Variants in TMEM131L observed in about 807,000 individuals in gnomAD.
TMEM131L encodes the protein transmembrane 131 like.
A neutral mutation model predicts 192.2 loss-of-function variants in TMEM131L; 54 were observed. That is an observed-to-expected ratio of 0.28 (90% CI 0.23 to 0.35). TMEM131L has a LOEUF of 0.35. Ranked by LOEUF, TMEM131L falls within the 10% of genes least tolerant of loss-of-function variation. The pLI, the probability that TMEM131L is intolerant of heterozygous loss-of-function variation, is 1.00. For synonymous variants in TMEM131L, 701 were observed against 704.9 expected (o/e 0.99, Z 0.09); for missense variants, 1,888 against 1,972.9 (o/e 0.96, Z 0.82).
intron 3 of TMEM131L, among the ~76,000 whole-genome samples, chr4:153,543,039 G>T (rs1021348065): frequency 6.6e-6 from 1 of 152,198 alleles, no homozygotes; most frequent in East Asian, 1.9e-4. Context: ...TAGCGAGAGC[G>T]CCTCCAACAG....
chr4:153,541,180 T>C (rs1411635002), intron 3 of TMEM131L, among the ~76,000 whole-genome samples: 1 of 152,126 alleles, frequency 6.6e-6, no homozygotes, highest in Non-Finnish European at 1.5e-5. Context: ...AGGAGAAAGT[T>C]GGGATGGGAG....
In TMEM131L at chr4:153,592,562, C is replaced by G. The variant is rs772989113; in HGVS notation, c.1900C>G (p.Leu634Val). Residue 634 changes from leucine (L) to valine (V), a missense_variant, in exon 18 of 35, where the codon CTA becomes GTA. Physicochemically the swap from Leu to Val is conservative, Grantham distance 32. Coordinates refer to ENST00000409959, the MANE Select transcript of TMEM131L (RefSeq NM_001131007.2). ...PLSLYPKPEALVHLLHRWFGT... is the reference protein window; with the variant it reads ...PLSLYPKPEAVVHLLHRWFGT... ...CTCCTTGTACCCTAAACCCGAAGCCCTAGTGCACCTGCTCCACAGATGGTA... is the reference window on the plus strand; with the variant it reads ...CTCCTTGTACCCTAAACCCGAAGCCGTAGTGCACCTGCTCCACAGATGGTA... 1.2e-6 allele frequency: 2 copies of G among 1,613,534 alleles called. No homozygotes were observed. The highest frequency in any genetic ancestry group is 1.7e-6 in the Non-Finnish European group (2 of 1,179,548).
Position 153,626,210 on chromosome 4 carries a change from A to G in TMEM131L, c.4109A>G (p.Asn1370Ser), listed in dbSNP as rs778415958. Reference protein sequence around the residue: ...EAPISLNLSHNICNPMTVNSL... With the variant: ...EAPISLNLSHSICNPMTVNSL... The stretch of plus-strand genomic sequence containing the variant: ...CCCATCTCCTTGAATCTTTCTCATA[A>G]CATCTGCAATCCCATGTAAGTTTTT... Residue 1370 changes from asparagine (N) to serine (S), a missense_variant, in exon 30 of 35, where the codon AAC becomes AGC. Coordinates refer to ENST00000409959, the MANE Select transcript of TMEM131L (RefSeq NM_001131007.2). 1 of 1,607,698 alleles carries G rather than the reference A, an allele frequency of 6.2e-7. No individual in the cohort carries two copies. Among genetic ancestry groups the G allele is most frequent in the South Asian group, 1.1e-5 (1 of 90,876 alleles).
intron 4 of TMEM131L, among the ~76,000 whole-genome samples, chr4:153,551,790 C>CT (rs1737645647): frequency 6.6e-6 from 1 of 152,060 alleles, no homozygotes; most frequent in Non-Finnish European, 1.5e-5. Flanking sequence ...TATTTTTACT[C>CT]TTATGTAAAG....
At chr4:153,606,477 T>C (rs1732247299) in intron 25 of TMEM131L, among the ~76,000 whole-genome samples, 1 of 152,216 alleles carries the variant, frequency 6.6e-6, no homozygotes, top group Non-Finnish European at 1.5e-5. Flanking sequence ...ATGAGAAATG[T>C]AGTGTCAGAG....
intron 3 of TMEM131L, among the ~76,000 whole-genome samples, chr4:153,520,202 C>T (rs1244055933): frequency 6.6e-6 from 1 of 152,000 alleles, no homozygotes. Flanking sequence ...CTGTTGTTAT[C>T]GCAGCACTTT....
chr4:153,515,673 T>G (rs976527500), intron 3 of TMEM131L, among the ~76,000 whole-genome samples: 2 of 152,242 alleles, frequency 1.3e-5, no homozygotes, highest in Non-Finnish European at 2.9e-5. Flanking sequence ...AAAGTAGTTG[T>G]ACCATACCTT....
intron 19 of TMEM131L, 93 bp downstream of exon 19, chr4:153,593,964 A>G (rs1731249879): frequency 1.2e-6 from 1 of 828,868 alleles, no homozygotes; most frequent in African/African-American, 1.7e-5. Flanking sequence ...AATGTCTTTT[A>G]TTTACTATAT....
intron 18 of TMEM131L, among the ~76,000 whole-genome samples, chr4:153,593,243 C>G (rs1731195269): frequency 1.3e-5 from 2 of 152,140 alleles, no homozygotes; most frequent in Admixed American, 1.3e-4. Flanking sequence ...TAAGATCGAC[C>G]CTTATCCCAG....
intron 25 of TMEM131L, among the ~76,000 whole-genome samples, chr4:153,608,521 A>G (rs1301888217): frequency 6.6e-6 from 1 of 152,230 alleles, no homozygotes; most frequent in African/African-American, 2.4e-5. Context: ...CCAAGGAGAA[A>G]TAGTGAGCAA....
intron 3 of TMEM131L, among the ~76,000 whole-genome samples, chr4:153,504,265 CCTT>C (rs1184261980): frequency 6.0e-4 from 59 of 97,904 alleles, no homozygotes; most frequent in African/African-American, 2.0e-3. Flanking sequence ...CCGCGGTCGG[CCTT>C]TTTTTTTTTT....
intron 25 of TMEM131L, among the ~76,000 whole-genome samples, chr4:153,607,289 T>G (rs941753517): frequency 6.6e-6 from 1 of 152,206 alleles, no homozygotes; most frequent in Admixed American, 6.5e-5. Flanking sequence ...ATAAGAACCT[T>G]TAAGTTTTTA....
At chr4:153,501,316 T>G (rs1471240407) in intron 3 of TMEM131L, among the ~76,000 whole-genome samples, 1 of 150,468 alleles carries the variant, frequency 6.6e-6, no homozygotes, top group African/African-American at 2.4e-5. Flanking sequence ...CAATTCTGCC[T>G]CAGCCTCCTG....
At chr4:153,471,282 G>T (rs1399735559) in intron 2 of TMEM131L, among the ~76,000 whole-genome samples, 1 of 152,196 alleles carries the variant, frequency 6.6e-6, no homozygotes, top group East Asian at 1.9e-4. Flanking sequence ...CACCGTGCCC[G>T]GCCCATGTCT....
chr4:153,583,552 CT>C lies in TMEM131L; in HGVS notation c.952-8del, dbSNP rs1397049079. 1 of 1,576,704 alleles carries C rather than the reference CT, an allele frequency of 6.3e-7. No homozygotes were observed. Among genetic ancestry groups the C allele is most frequent in the Non-Finnish European group, 8.7e-7 (1 of 1,147,074 alleles). On this transcript the variant is annotated splice_polypyrimidine_tract_variant and intron_variant, in intron 10 of 34. Coordinates refer to ENST00000409959, the MANE Select transcript of TMEM131L (RefSeq NM_001131007.2). ...CTGAGAGTAGTCACATGGGACTTTT[CT>C]TTTATTTCAGGATATACGCCATTTC...
intron 3 of TMEM131L, among the ~76,000 whole-genome samples, chr4:153,518,030 G>A (rs543793081): frequency 1.3e-5 from 2 of 150,528 alleles, no homozygotes; most frequent in Non-Finnish European, 3.0e-5. Flanking sequence ...TTATAATGGG[G>A]TGAAAAAAAA....
intron 3 of TMEM131L, among the ~76,000 whole-genome samples, chr4:153,522,833 G>T (rs1340421486): frequency 6.6e-6 from 1 of 152,032 alleles, no homozygotes; most frequent in Non-Finnish European, 1.5e-5. Flanking sequence ...CCCCTTCCTG[G>T]AGGGCCTCCC....
chr4:153,603,608 A>C (rs1732000627), intron 24 of TMEM131L, 156 bp downstream of exon 24: 8 of 998,344 alleles, frequency 8.0e-6, no homozygotes, highest in Non-Finnish European at 1.2e-5. Context: ...CATTATTATT[A>C]TGAGATAGTC....
intron 3 of TMEM131L, among the ~76,000 whole-genome samples, chr4:153,495,825 A>C (rs1264009023): frequency 3.3e-5 from 5 of 152,234 alleles, no homozygotes; most frequent in Non-Finnish European, 7.3e-5. Flanking sequence ...ATTTAGGAAT[A>C]AAACGGGAGG....
Sources: gnomAD v4.1 joint callset for allele counts (sites outside exome capture counted in the v4.1 genomes callset) on GRCh38, gnomAD v4.1.1 for gene constraint, MANE v1.5 for transcripts, NCBI Gene and HGNC (gene_info 2026-07-23, HGNC 2026-07-21) for gene names.